Variants in RALYL observed in about 807,000 individuals in gnomAD.
RALYL encodes RNA-binding Raly-like protein.
RALYL carries 29 observed loss-of-function variants against 35.1 expected under a neutral mutation model. The ratio of observed to expected loss-of-function variants is 0.83; its 90% CI spans 0.61 to 1.13. The LOEUF (loss-of-function observed/expected upper bound fraction) is 1.13, where lower values mean the gene tolerates loss of function less well. Among genes scored for constraint, RALYL ranks in the 50% most tolerant of loss-of-function variants. The pLI, the probability that RALYL is intolerant of heterozygous loss-of-function variation, is 0.00. For synonymous variants in RALYL, 120 were observed against 127.6 expected, an observed-to-expected ratio of 0.94 and a Z score of 0.40; for missense variants, 359 against 360.4, an observed-to-expected ratio of 1.00 and a Z score of 0.03.
chr8:84,297,503 G>A (rs780329766), intron 1 of RALYL, among the ~76,000 whole-genome samples: 70 of 152,076 alleles, frequency 4.6e-4, no homozygotes, highest in Non-Finnish European at 9.1e-4. Flanking sequence ...CATGAGTGGT[G>A]CTGTAATGAA....
At chr8:84,737,228 GTTA>G (rs1472472288) in intron 2 of RALYL, among the ~76,000 whole-genome samples, 1 of 152,030 alleles carries the variant, frequency 6.6e-6, no homozygotes, top group Non-Finnish European at 1.5e-5. Context: ...GCTATTAGCT[GTTA>G]TTATTAGCAG....
At chr8:84,497,085 C>A (rs1302920968) in intron 1 of RALYL, among the ~76,000 whole-genome samples, 1 of 152,108 alleles carries the variant, frequency 6.6e-6, no homozygotes, top group East Asian at 1.9e-4. Flanking sequence ...GGCTTATGGT[C>A]TAAGATGAGG....
In RALYL at chr8:84,368,560, C is replaced by CGTAGCT. The variant is rs539760768; in HGVS notation, c.-23-160737_-23-160732dup. Among the ~76,000 whole-genome samples, 166 of 152,276 alleles carry CGTAGCT rather than the reference C, an allele frequency of 1.1e-3. 5 individuals are homozygous for CGTAGCT. The South Asian group carries it at 0.033, about 30-fold the overall frequency. On this transcript the variant is annotated intron_variant, in intron 1 of 8. Transcript: ENST00000521268. ...GAGGTTTAATGGACTCACAGTTCCA[C>CGTAGCT]GTAGCTGGGGAGGCCTCACAATCAT...
At chr8:84,582,508 A>C (rs1372863033) in intron 2 of RALYL, among the ~76,000 whole-genome samples, 3 of 152,120 alleles carry the variant, frequency 2.0e-5, no homozygotes, top group Non-Finnish European at 4.4e-5. Context: ...CACTTAACTA[A>C]ATCTAACCCT....
At chr8:84,193,167 GAAGTTT>G (rs1238806285) in intron 1 of RALYL, among the ~76,000 whole-genome samples, 3 of 152,028 alleles carry the variant, frequency 2.0e-5, no homozygotes, top group Non-Finnish European at 4.4e-5. Context: ...CAAAAAAAAT[GAAGTTT>G]AATGTTAAAT....
intron 5 of RALYL, among the ~76,000 whole-genome samples, chr8:84,855,200 G>A (rs1020003865): frequency 2.0e-4 from 31 of 152,210 alleles, no homozygotes; most frequent in African/African-American, 7.5e-4. Context: ...CAGGGAGCTA[G>A]CTGCCCAACC....
chr8:84,452,595 T>G (rs2049623613), intron 1 of RALYL, among the ~76,000 whole-genome samples: 1 of 151,962 alleles, frequency 6.6e-6, no homozygotes, highest in African/African-American at 2.4e-5. Flanking sequence ...CAGGTAGTAC[T>G]CTTTAGAAGG....
intron 4 of RALYL, among the ~76,000 whole-genome samples, chr8:84,819,588 T>C (rs1828056615): frequency 6.6e-6 from 1 of 152,024 alleles, no homozygotes; most frequent in South Asian, 2.1e-4. Context: ...TACAGTAGAG[T>C]CATCAAAAAG....
intron 2 of RALYL, among the ~76,000 whole-genome samples, chr8:84,690,422 A>C (rs1031493324): frequency 2.0e-5 from 3 of 152,112 alleles, no homozygotes; most frequent in Non-Finnish European, 4.4e-5. Context: ...ATAAAGTTGC[A>C]GTTTTGCAGG....
At chr8:84,254,746 G>GAAAAAAAAAAA (rs10675428) in intron 1 of RALYL, among the ~76,000 whole-genome samples, 1 of 126,504 alleles carries the variant, frequency 7.9e-6, no homozygotes, top group African/African-American at 3.1e-5. Flanking sequence ...GGTAATTTAT[G>GAAAAAAAAAAA]AAAAAAAAAA....
At chr8:84,704,219 G>A (rs1263721232) in intron 2 of RALYL, among the ~76,000 whole-genome samples, 1 of 152,180 alleles carries the variant, frequency 6.6e-6, no homozygotes, top group African/African-American at 2.4e-5. Context: ...GAGGTCAGGA[G>A]TTCGAGATCA....
At chr8:84,799,507 C>T (rs186053984) in intron 3 of RALYL, among the ~76,000 whole-genome samples, 1 of 152,222 alleles carries the variant, frequency 6.6e-6, no homozygotes, top group East Asian at 1.9e-4. Context: ...AATTGAGAGG[C>T]AAGTACAGAA....
intron 2 of RALYL, among the ~76,000 whole-genome samples, chr8:84,635,361 T>C (rs1290362669): frequency 6.7e-6 from 1 of 148,190 alleles, no homozygotes; most frequent in Non-Finnish European, 1.5e-5. Flanking sequence ...AGAAGAACTA[T>C]TTCCAGGTTC....
At chr8:84,341,645 G>C (rs963207919) in intron 1 of RALYL, among the ~76,000 whole-genome samples, 4 of 151,968 alleles carry the variant, frequency 2.6e-5, no homozygotes, top group Non-Finnish European at 5.9e-5. Context: ...AAGAATGACT[G>C]CTTGTTTTAT....
chr8:84,682,771 T>A (rs1835853965), intron 2 of RALYL, among the ~76,000 whole-genome samples: 2 of 152,262 alleles, frequency 1.3e-5, no homozygotes, highest in South Asian at 4.1e-4. Context: ...ATCAATTTTG[T>A]TGATCTTTTC....
Position 84,238,017 on chromosome 8 carries a change from A to G in RALYL, c.-24+53593A>G, listed in dbSNP as rs146722914. ...AAGTGCAAAAACAAAACAAAAGAAA[A>G]AAAACACTAAAAAATTTAAAAACAT... On this transcript the variant is annotated intron_variant, in intron 1 of 8. Transcript: ENST00000521268. Among the ~76,000 whole-genome samples the G allele has an allele frequency of 8.6e-5, 13 of 151,370 alleles. 1 individual carries two copies. Among genetic ancestry groups the G allele is most frequent in the Admixed American group, 3.9e-4 (6 of 15,228 alleles).
At chr8:84,454,585 A>C (rs2049921236) in intron 1 of RALYL, among the ~76,000 whole-genome samples, 1 of 152,074 alleles carries the variant, frequency 6.6e-6, no homozygotes, top group African/African-American at 2.4e-5. Context: ...ACTACGAGCT[A>C]GGGGCCACAT....
chr8:84,318,179 C>T (rs956274067), intron 1 of RALYL, among the ~76,000 whole-genome samples: 4 of 151,644 alleles, frequency 2.6e-5, no homozygotes, highest in African/African-American at 9.7e-5. Context: ...AGCGTGGCAA[C>T]AGTAGAGTAT....
intron 3 of RALYL, among the ~76,000 whole-genome samples, chr8:84,780,297 G>A (rs1817824309): frequency 6.6e-6 from 1 of 152,108 alleles, no homozygotes. Context: ...GGTTTACTTT[G>A]AATGTATGTT....
Sources: gnomAD v4.1 joint callset for allele counts (sites outside exome capture counted in the v4.1 genomes callset) on GRCh38, gnomAD v4.1.1 for gene constraint, MANE v1.5 for transcripts, NCBI Gene and HGNC (gene_info 2026-07-23, HGNC 2026-07-21) for gene names.